Variants in ARHGAP12 observed in about 807,000 individuals in gnomAD.
ARHGAP12 encodes rho GTPase-activating protein 12.
ARHGAP12 carries 64 observed loss-of-function variants against 108.6 expected under a neutral mutation model. The observed-to-expected ratio is 0.59, with a 90% confidence interval of 0.48 to 0.73. The LOEUF is 0.73. Among genes scored for constraint, ARHGAP12 ranks in the 30% least tolerant of loss-of-function variants. The pLI is 0.00. For synonymous variants in ARHGAP12, 312 were observed against 337.2 expected (o/e 0.93, Z 0.82); for missense variants, 940 against 1,005.9 (o/e 0.93, Z 0.89).
At chr10:31,839,595 A>G in intron 8 of ARHGAP12, 42 bp downstream of exon 8, 1 of 1,497,246 alleles carries the variant, frequency 6.7e-7, no homozygotes. Context: ...ATTGATTGAA[A>G]TAACTGGACT....
intron 4 of ARHGAP12, among the ~76,000 whole-genome samples, chr10:31,860,973 T>G (rs1837091437): frequency 6.6e-6 from 1 of 152,208 alleles, no homozygotes; most frequent in Admixed American, 6.5e-5. Context: ...GAGGATCGCT[T>G]AAGCCCAAGA....
chr10:31,870,380 G>A (rs1221554300), intron 3 of ARHGAP12, among the ~76,000 whole-genome samples: 6 of 151,828 alleles, frequency 4.0e-5, no homozygotes, highest in African/African-American at 1.2e-4. Context: ...ACAGGCATGC[G>A]CCACCCCACC....
intron 1 of ARHGAP12, chr10:31,912,994 T>C (rs1314283737): frequency 6.6e-6 from 1 of 152,236 alleles, no homozygotes; most frequent in South Asian, 2.1e-4. Context: ...CTGTTGACTG[T>C]TTCCCTTGCC....
At chr10:31,852,263 C>T (rs1836710612) in intron 6 of ARHGAP12, among the ~76,000 whole-genome samples, 1 of 151,974 alleles carries the variant, frequency 6.6e-6, no homozygotes, top group African/African-American at 2.4e-5. Context: ...ATTCTTATTT[C>T]CAAGAATAAG....
intron 9 of ARHGAP12, among the ~76,000 whole-genome samples, chr10:31,833,202 A>G (rs1835895702): frequency 1.3e-5 from 2 of 152,074 alleles, no homozygotes; most frequent in Admixed American, 6.6e-5. Context: ...TCTTTCCATC[A>G]TATGGGAACT....
At position 31,842,237 on chromosome 10, in the gene ARHGAP12, G is replaced by T. The variant is rs148932724; in HGVS notation, c.1296+1224C>A. On this transcript the variant is annotated intron_variant, in intron 7 of 19. Transcript: ENST00000344936. ...GTTGGTTCAACAATGGTTTGACTTA[G>T]AACAGTATATATGGTATTTGGGAGA... is the stretch of plus-strand genomic sequence containing the variant. 2.0e-5 allele frequency among the ~76,000 whole-genome samples: 3 copies of T among 152,168 alleles called. No individual in the cohort carries two copies. The East Asian group carries it at 5.8e-4, about 29-fold the overall frequency.
chr10:31,921,561 C>T (rs1839809765), intron 1 of ARHGAP12, among the ~76,000 whole-genome samples: 2 of 151,270 alleles, frequency 1.3e-5, no homozygotes, highest in South Asian at 4.2e-4. Flanking sequence ...GTCAGGAGTT[C>T]GATACCAGCC....
intron 3 of ARHGAP12, among the ~76,000 whole-genome samples, chr10:31,902,648 G>A (rs1428946869): frequency 6.6e-6 from 1 of 150,478 alleles, no homozygotes; most frequent in African/African-American, 2.5e-5. Flanking sequence ...TCCAGCCTAG[G>A]TGACAGACAA....
chr10:31,844,968 A>G (rs1836398591), intron 6 of ARHGAP12, among the ~76,000 whole-genome samples: 1 of 152,140 alleles, frequency 6.6e-6, no homozygotes, highest in South Asian at 2.1e-4. Context: ...CTTGTAGATT[A>G]ATTTGGACAT....
At chr10:31,817,675 T>C (rs2132159752) in intron 13 of ARHGAP12, 113 bp downstream of exon 13, 1 of 639,234 alleles carries the variant, frequency 1.6e-6, no homozygotes, top group Non-Finnish European at 2.6e-6. Context: ...CTGTCAAACA[T>C]ATATAAAGTG....
chr10:31,831,296 G>C (rs1835823666), intron 10 of ARHGAP12, among the ~76,000 whole-genome samples: 1 of 152,134 alleles, frequency 6.6e-6, no homozygotes, highest in Non-Finnish European at 1.5e-5. Context: ...ATTATGTTTA[G>C]AAAATTAATC....
At chr10:31,888,974 A>G (rs1838297065) in intron 3 of ARHGAP12, among the ~76,000 whole-genome samples, 1 of 152,034 alleles carries the variant, frequency 6.6e-6, no homozygotes, top group South Asian at 2.1e-4. Context: ...CAATGGTGCA[A>G]TCTTGGCTCA....
At chr10:31,892,026 A>T (rs890280982) in intron 3 of ARHGAP12, among the ~76,000 whole-genome samples, 12 of 152,076 alleles carry the variant, frequency 7.9e-5, no homozygotes, top group Non-Finnish European at 1.8e-4. Context: ...ATGGGTTCGA[A>T]CTTCTTCCTT....
chr10:31,906,354 G>T (rs770776207), intron 3 of ARHGAP12, among the ~76,000 whole-genome samples: 3 of 152,152 alleles, frequency 2.0e-5, no homozygotes, highest in Non-Finnish European at 2.9e-5. Flanking sequence ...CATTTATTAT[G>T]TGCCTCAAGA....
intron 1 of ARHGAP12, among the ~76,000 whole-genome samples, chr10:31,916,658 G>C (rs2859755): frequency 0.45 from 68,764 of 151,870 alleles, 15,790 homozygotes; most frequent in Admixed American, 0.5. Context: ...CCTCTGTCAC[G>C]CAGGCTGGAG....
intron 1 of ARHGAP12, among the ~76,000 whole-genome samples, chr10:31,925,169 T>C (rs1839978745): frequency 6.6e-6 from 1 of 152,146 alleles, no homozygotes; most frequent in African/African-American, 2.4e-5. Context: ...GCATGGCAAG[T>C]GCTTTAAAAG....
intron 3 of ARHGAP12, among the ~76,000 whole-genome samples, chr10:31,862,912 T>G (rs1837184029): frequency 6.6e-6 from 1 of 152,194 alleles, no homozygotes; most frequent in Non-Finnish European, 1.5e-5. Context: ...CATGAATGCT[T>G]TAAAATACTG....
chr10:31,908,440 C>T lies in ARHGAP12; in HGVS notation c.416G>A (p.Ser139Asn), dbSNP rs570562374. 4 of 1,614,222 alleles carry T rather than the reference C, an allele frequency of 2.5e-6. No individual in the cohort carries two copies. In the Admixed American group the frequency reaches 5.0e-5, roughly 20 times the overall value. The change falls in exon 3 of 20, where the codon AGT becomes AAT. Residue 139 changes from serine to asparagine, a missense_variant. Coordinates refer to ENST00000344936, the MANE Select transcript of ARHGAP12 (RefSeq NM_018287.7). ...GTTGACAGTCTGACCTTGATTATAA[C>T]TGGGTCCAAAATTCTGATTGGCATC... The part of the protein sequence containing the change: ...IRDANQNFGP[S>N]YNQGQTVNLS...
At chr10:31,871,643 CTGA>C (rs1592316829) in intron 3 of ARHGAP12, among the ~76,000 whole-genome samples, 1 of 152,316 alleles carries the variant, frequency 6.6e-6, no homozygotes, top group East Asian at 1.9e-4. Flanking sequence ...CACAAACATA[CTGA>C]TGAAGTCATC....
Sources: allele counts gnomAD v4.1 joint callset (sites outside exome capture counted in the v4.1 genomes callset), GRCh38; gene constraint gnomAD v4.1.1; transcripts MANE v1.5; gene names NCBI Gene and HGNC (gene_info 2026-07-23, HGNC 2026-07-21).